Variants in ZNF655 observed in about 807,000 individuals in gnomAD.
ZNF655 encodes zinc finger protein 655.
A neutral mutation model predicts 6.6 loss-of-function variants in ZNF655; 3 were observed. The ratio of observed to expected loss-of-function variants is 0.46; its 90% CI spans 0.21 to 1.18. ZNF655 has a LOEUF of 1.18. ZNF655 is among the 50% of genes most tolerant of loss of function. The probability of loss-of-function intolerance (pLI) is 0.24; values close to 1 mark genes in which losing one functional copy is unlikely to be tolerated. For missense variants in ZNF655, 526 were observed against 572.3 expected (o/e 0.92, Z 0.83); for synonymous variants, 178 against 195.0 (o/e 0.91, Z 0.73).
chr7:99,566,775 G>A (rs1004709230), intron 2 of ZNF655, among the ~76,000 whole-genome samples: 1 of 152,080 alleles, frequency 6.6e-6, no homozygotes, highest in Non-Finnish European at 1.5e-5. Flanking sequence ...CCAGGCTGTT[G>A]AACTCCTGGG....
chr7:99,572,972 A>G lies in ZNF655; in HGVS notation c.864A>G (p.Ser288=), dbSNP rs1804193830. 1.2e-6 allele frequency: 2 copies of G among 1,614,066 alleles called. No homozygotes were observed. The highest frequency in any genetic ancestry group is 2.2e-5 in the South Asian group (2 of 91,090). The change falls in exon 3 of 3, where the codon TCA becomes TCG. Residue 288 remains serine, a synonymous_variant. Coordinates refer to ENST00000252713, the MANE Select transcript of ZNF655 (RefSeq NM_138494.3). ...CTGATAAATCCTGTAGTCCAAGCTC[A>G]GGCATAATTCAGCATAAGAAAATTC... The part of the protein sequence containing the change: ...EASDKSCSPS[S]GIIQHKKIHT...
intron 2 of ZNF655, among the ~76,000 whole-genome samples, chr7:99,565,167 G>A (rs1241317184): frequency 6.6e-6 from 1 of 151,714 alleles, no homozygotes; most frequent in African/African-American, 2.4e-5. Flanking sequence ...TTTTAGGGTT[G>A]TAAGACTTTT....
rs1286675256 is a variant in ZNF655, at chr7:99,561,392, TG to T, written c.136+698del. ...CAATGTGTAGAGTGCTGTGGGGGAT[TG>T]TGGGACTGTGGAAAAGATTTCGAGG... is the stretch of plus-strand genomic sequence containing the variant. On this transcript the variant is annotated intron_variant, in intron 2 of 2. Transcript: ENST00000252713. Among the ~76,000 whole-genome samples, 3 of 152,142 alleles carry T rather than the reference TG, an allele frequency of 2.0e-5. 1 individual carries two copies. Among genetic ancestry groups the T allele is most frequent in the Admixed American group, 2.0e-4 (3 of 15,268 alleles).
intron 2 of ZNF655, chr7:99,564,317 C>T: frequency 8.3e-7 from 1 of 1,209,624 alleles, no homozygotes; most frequent in Non-Finnish European, 1.0e-6. Flanking sequence ...GAATGTGAAA[C>T]TTATGCTGTG....
intron 2 of ZNF655, among the ~76,000 whole-genome samples, chr7:99,561,142 G>C (rs1002710450): frequency 5.3e-5 from 8 of 152,178 alleles, no homozygotes; most frequent in African/African-American, 1.9e-4. Flanking sequence ...TTTGTGACTA[G>C]ACTAAATTTG....
intron 2 of ZNF655, 112 bp downstream of exon 2, chr7:99,560,807 C>A: frequency 7.2e-7 from 1 of 1,380,112 alleles, no homozygotes. Context: ...GAACATGGTC[C>A]CTAGAGGGAG....
At position 99,574,005 on chromosome 7, in the gene ZNF655, A is replaced by G. The variant is rs1441101151; in HGVS notation, c.*421A>G. The G allele has an allele frequency of 1.6e-5, 3 of 185,256 alleles. No individual in the cohort carries two copies. Among genetic ancestry groups the G allele is most frequent in the African/African-American group, 7.2e-5 (3 of 41,900 alleles). 11.5% of individuals were successfully genotyped at this position (185,256 alleles called of 1,614,324 possible). ...GCCATGCAAAAAGATTATAAATGTAATAAGCATGTATGTGTGTGAGGAGAT... is the reference window on the plus strand; with the variant it reads ...GCCATGCAAAAAGATTATAAATGTAGTAAGCATGTATGTGTGTGAGGAGAT... On this transcript the variant is annotated 3_prime_UTR_variant, in exon 3 of 3. Coordinates refer to ENST00000252713, the MANE Select transcript of ZNF655 (RefSeq NM_138494.3).
At chr7:99,570,532 G>A (rs1415609877) in intron 2 of ZNF655, 1 of 152,056 alleles carries the variant, frequency 6.6e-6, no homozygotes, top group Non-Finnish European at 1.5e-5. Context: ...ATTGATACTT[G>A]GGCGCACAGA....
At chr7:99,569,201 A>C (rs1803857125) in intron 2 of ZNF655, among the ~76,000 whole-genome samples, 1 of 152,216 alleles carries the variant, frequency 6.6e-6, no homozygotes, top group Non-Finnish European at 1.5e-5. Context: ...CTTCACTGTC[A>C]ATATTTTATA....
At chr7:99,566,030 T>C (rs1009099170) in intron 2 of ZNF655, among the ~76,000 whole-genome samples, 2 of 151,686 alleles carry the variant, frequency 1.3e-5, no homozygotes, top group Admixed American at 1.3e-4. Flanking sequence ...TATGTGTGTG[T>C]GTGTGTGTGT....
At chr7:99,571,852 G>A in intron 2 of ZNF655, 1 of 1,213,892 alleles carries the variant, frequency 8.2e-7, no homozygotes, top group Non-Finnish European at 1.2e-6. Context: ...GTTGAGCCAA[G>A]TTGTAGCTGC....
chr7:99,571,579 C>T (rs1385333465), intron 2 of ZNF655: 1 of 1,025,850 alleles, frequency 9.7e-7, no homozygotes, highest in Admixed American at 2.7e-5. Flanking sequence ...TAATTAATGT[C>T]TTCTCAGAAT....
rs1584270729 is a variant in ZNF655 at position 99,574,784 on chromosome 7, A to G, written c.*1200A>G. 1 of 152,186 alleles carries G rather than the reference A, an allele frequency of 6.6e-6. No homozygotes were observed. Among genetic ancestry groups the G allele is most frequent in the African/African-American group, 2.4e-5 (1 of 41,450 alleles). 9.4% of individuals were successfully genotyped at this position (152,186 alleles called of 1,614,324 possible). The stretch of plus-strand genomic sequence containing the variant: ...TAGGGATCTTATGTCGTATTGCTTT[A>G]CAGCCACAACACTTGGATTCCTGTT... On this transcript the variant is annotated 3_prime_UTR_variant, in exon 3 of 3. Coordinates refer to ENST00000252713, the MANE Select transcript of ZNF655 (RefSeq NM_138494.3).
intron 2 of ZNF655, chr7:99,562,470 AAT>A: frequency 6.2e-7 from 1 of 1,613,646 alleles, no homozygotes; most frequent in Non-Finnish European, 8.5e-7. Flanking sequence ...GATGTTAGAG[AAT>A]TATGGGAACG....
intron 2 of ZNF655, chr7:99,562,506 C>G: frequency 2.5e-6 from 4 of 1,605,290 alleles, no homozygotes; most frequent in Non-Finnish European, 3.4e-6. Flanking sequence ...TAAGGACTTC[C>G]TTATTATTCG....
intron 2 of ZNF655, chr7:99,564,566 G>A: frequency 1.0e-6 from 1 of 985,476 alleles, no homozygotes; most frequent in Non-Finnish European, 1.2e-6. Context: ...AGGGGAGAAG[G>A]GAGGGCAAAG....
chr7:99,573,052 G>A lies in ZNF655; in HGVS notation c.944G>A (p.Ser315Asn), dbSNP rs1332010195. ...CSSCERVFSR[S>N]VHLTQHQKIH... ...AGTTGTGAAAGAGTCTTCAGTCGTA[G>A]TGTCCACCTTACTCAACATCAGAAA... Residue 315 changes from serine (S) to asparagine (N), a missense_variant, in exon 3 of 3, where the codon AGT (serine) becomes AAT (asparagine). By Grantham distance (46) the Ser-to-Asn change is conservative. Coordinates refer to ENST00000252713, the MANE Select transcript of ZNF655 (RefSeq NM_138494.3). 4 of 1,614,142 alleles carry A rather than the reference G, an allele frequency of 2.5e-6. No individual in the cohort carries two copies. The Admixed American group carries it at 5.0e-5, about 20-fold the overall frequency.
chr7:99,563,772 G>C, intron 2 of ZNF655: 1 of 1,477,242 alleles, frequency 6.8e-7, no homozygotes, highest in Non-Finnish European at 9.1e-7. Flanking sequence ...TTATGCTCAG[G>C]ATTCAAGGTC....
intron 2 of ZNF655, among the ~76,000 whole-genome samples, chr7:99,569,136 G>T (rs929714260): frequency 3.3e-5 from 5 of 152,038 alleles, no homozygotes; most frequent in African/African-American, 1.2e-4. Context: ...TAGGATCCTG[G>T]TTCACCGTAT....
Sources: allele counts gnomAD v4.1 joint callset (sites outside exome capture counted in the v4.1 genomes callset), GRCh38; gene constraint gnomAD v4.1.1; transcripts MANE v1.5; gene names NCBI Gene and HGNC (gene_info 2026-07-23, HGNC 2026-07-21).